Variants in ARMC3 observed in about 807,000 individuals in gnomAD.
ARMC3 encodes the protein armadillo repeat containing 3, also known as armadillo repeat-containing protein 3.
ARMC3 carries 74 observed loss-of-function variants against 90.3 expected under a neutral mutation model. That is an observed-to-expected ratio of 0.82 (90% CI 0.68 to 0.99). The LOEUF (loss-of-function observed/expected upper bound fraction) is 0.99. ARMC3 is among the 50% of genes least tolerant of loss of function. The pLI, the probability that ARMC3 is intolerant of heterozygous loss-of-function variation, is 0.00. For synonymous variants in ARMC3, 334 were observed against 361.8 expected, an observed-to-expected ratio of 0.92 and a Z score of 0.87; for missense variants, 958 against 1,042.8, an observed-to-expected ratio of 0.92 and a Z score of 1.12.
chr10:23,016,440 A>G (rs778143189), intron 16 of ARMC3, among the ~76,000 whole-genome samples: 1 of 152,218 alleles, frequency 6.6e-6, no homozygotes, highest in Non-Finnish European at 1.5e-5. Flanking sequence ...GTAGAAAAAT[A>G]ACCTTAGAGC....
intron 2 of ARMC3, among the ~76,000 whole-genome samples, chr10:22,939,218 A>G (rs1480376860): frequency 6.6e-6 from 1 of 152,216 alleles, no homozygotes; most frequent in Admixed American, 6.5e-5. Flanking sequence ...GAGTTCAAGG[A>G]GGATTAGGTG....
chr10:22,990,277 G>T (rs1048947005), intron 10 of ARMC3, among the ~76,000 whole-genome samples: 8 of 152,084 alleles, frequency 5.3e-5, no homozygotes, highest in African/African-American at 1.5e-4. Context: ...CACTGGAAAT[G>T]GTCCTTACCA....
At chr10:22,988,950 T>C (rs1836581852) in intron 10 of ARMC3, among the ~76,000 whole-genome samples, 1 of 152,240 alleles carries the variant, frequency 6.6e-6, no homozygotes, top group Admixed American at 6.5e-5. Context: ...ATGTATAGGT[T>C]GCATTTAATA....
At chr10:23,010,829 C>G (rs1197438403) in intron 16 of ARMC3, among the ~76,000 whole-genome samples, 4 of 113,880 alleles carry the variant, frequency 3.5e-5, no homozygotes, top group African/African-American at 1.6e-4. Flanking sequence ...CCTTGCCTCT[C>G]CTCTCCTTCC....
At chr10:22,929,312 AAAAG>A (rs1218983778) in intron 1 of ARMC3, among the ~76,000 whole-genome samples, 57 of 127,360 alleles carry the variant, frequency 4.5e-4, no homozygotes, top group Non-Finnish European at 7.6e-4. Flanking sequence ...AAGAAAAAGA[AAAAG>A]AAAGGAAAGG....
At chr10:22,974,037 C>T (rs528824365) in intron 8 of ARMC3, among the ~76,000 whole-genome samples, 4 of 151,968 alleles carry the variant, frequency 2.6e-5, no homozygotes, top group Non-Finnish European at 5.9e-5. Context: ...GGATTACAGG[C>T]GTGAGCCACC....
Position 23,005,491 on chromosome 10 carries a change from C to T in ARMC3, c.1732-1393C>T, listed in dbSNP as rs976552296. On this transcript the variant is annotated intron_variant, in intron 13 of 18. Coordinates refer to ENST00000298032, the MANE Select transcript of ARMC3 (RefSeq NM_173081.5). The stretch of plus-strand genomic sequence containing the variant: ...AGTGAACAAAGGAGACCAAGGTCTC[C>T]GCTTCCATGGTACCAGTGCTGGAGG... Among the ~76,000 whole-genome samples, 13 of 152,120 alleles carry T rather than the reference C, an allele frequency of 8.5e-5. 1 individual carries two copies. Among genetic ancestry groups the T allele is most frequent in the East Asian group, 1.9e-4 (1 of 5,192 alleles).
At chr10:22,993,957 C>T (rs1269823186) in intron 10 of ARMC3, among the ~76,000 whole-genome samples, 2 of 152,140 alleles carry the variant, frequency 1.3e-5, no homozygotes, top group Non-Finnish European at 2.9e-5. Flanking sequence ...TATTGTGGGG[C>T]TTGGGCATTT....
At chr10:22,991,403 A>G (rs1054697817) in intron 10 of ARMC3, among the ~76,000 whole-genome samples, 1 of 151,666 alleles carries the variant, frequency 6.6e-6, no homozygotes, top group African/African-American at 2.4e-5. Flanking sequence ...TCACCCCAAA[A>G]TACAGGGAAC....
In ARMC3 at chr10:22,955,933, G is replaced by GT; in HGVS notation, c.292+2dup. The GT allele has an allele frequency of 1.9e-6, 3 of 1,595,938 alleles. No individual in the cohort carries two copies. The highest frequency in any genetic ancestry group is 2.6e-6 in the Non-Finnish European group (3 of 1,164,856). ...ATATTTGGAATCCTGGCTTCTAATA[G>GT]TAAGTATCAACTTTTAAAAATAATC... is the stretch of plus-strand genomic sequence containing the variant. On this transcript the variant is annotated splice_donor_variant, in intron 4 of 18. Transcript: ENST00000298032. LOFTEE classifies it high-confidence loss of function.
At chr10:22,994,794 G>A (rs1184132403) in intron 10 of ARMC3, among the ~76,000 whole-genome samples, 1 of 152,176 alleles carries the variant, frequency 6.6e-6, no homozygotes, top group African/African-American at 2.4e-5. Flanking sequence ...TGAGAAATAT[G>A]GAGGAGGAAA....
At chr10:23,008,451 G>A in intron 15 of ARMC3, 77 bp downstream of exon 15, 1 of 816,614 alleles carries the variant, frequency 1.2e-6, no homozygotes, top group Non-Finnish European at 2.0e-6. Context: ...TTAGATTTTA[G>A]ATTGGGGCAA....
At chr10:23,013,191 G>A (rs1042232356) in intron 16 of ARMC3, among the ~76,000 whole-genome samples, 2 of 139,364 alleles carry the variant, frequency 1.4e-5, no homozygotes, top group Non-Finnish European at 3.1e-5. Flanking sequence ...GAAACACCAT[G>A]GCCAGCCACT....
At position 23,030,591 on chromosome 10, in the gene ARMC3, C is replaced by A. The variant is rs756888060; in HGVS notation, c.2046-5C>A. The A allele has an allele frequency of 6.2e-7, 1 of 1,608,198 alleles. No homozygotes were observed. Among genetic ancestry groups the A allele is most frequent in the Admixed American group, 1.7e-5 (1 of 59,442 alleles). ...GATTTTGATTGCCCTTGTTTACTTTCAAAGGAAAAGCAAAGGAAAAAAAGA... is the reference window on the plus strand; with the variant it reads ...GATTTTGATTGCCCTTGTTTACTTTAAAAGGAAAAGCAAAGGAAAAAAAGA... On this transcript the variant is annotated splice_region_variant and splice_polypyrimidine_tract_variant and intron_variant, in intron 16 of 18. Transcript: ENST00000298032.
chr10:23,027,383 G>C (rs1239942819), intron 16 of ARMC3, among the ~76,000 whole-genome samples: 2 of 152,152 alleles, frequency 1.3e-5, no homozygotes, highest in Non-Finnish European at 2.9e-5. Context: ...TTTATTTGGA[G>C]CAATTGTAAA....
chr10:22,947,588 T>C (rs1834584011), intron 3 of ARMC3, among the ~76,000 whole-genome samples: 1 of 152,136 alleles, frequency 6.6e-6, no homozygotes. Flanking sequence ...TAATGAGTAA[T>C]GACATAGGAT....
At chr10:23,004,947 T>C (rs1418187792) in intron 13 of ARMC3, among the ~76,000 whole-genome samples, 1 of 152,090 alleles carries the variant, frequency 6.6e-6, no homozygotes, top group Non-Finnish European at 1.5e-5. Context: ...CCGGGCGTGG[T>C]GGCTCACGCC....
chr10:22,935,729 A>G (rs1834082928), intron 2 of ARMC3, among the ~76,000 whole-genome samples: 1 of 152,234 alleles, frequency 6.6e-6, no homozygotes, highest in Admixed American at 6.5e-5. Flanking sequence ...CAATATGGAT[A>G]ATTTTCAGCT....
chr10:23,034,566 T>C (rs896272722), intron 18 of ARMC3, among the ~76,000 whole-genome samples: 5 of 152,214 alleles, frequency 3.3e-5, no homozygotes, highest in African/African-American at 1.2e-4. Context: ...TCTACCCATA[T>C]AGATAATTCC....
Sources: gnomAD v4.1 joint callset for allele counts (sites outside exome capture counted in the v4.1 genomes callset) on GRCh38, gnomAD v4.1.1 for gene constraint, MANE v1.5 for transcripts, NCBI Gene and HGNC (gene_info 2026-07-23, HGNC 2026-07-21) for gene names.